The following SUPT20H variants were observed in gnomAD, a reference collection of about 807,000 sequenced individuals.
SUPT20H encodes the protein transcription factor SPT20 homolog.
SUPT20H carries 82 observed loss-of-function variants against 122.8 expected under a neutral mutation model. The ratio of observed to expected loss-of-function variants is 0.67; its 90% CI spans 0.56 to 0.80. The LOEUF is 0.80. SUPT20H is among the 30% of genes least tolerant of loss of function. SUPT20H has a pLI of 0.00. For missense variants in SUPT20H, 831 were observed against 921.6 expected (o/e 0.90, Z 1.27); for synonymous variants, 291 against 313.0 (o/e 0.93, Z 0.74).
intron 5 of SUPT20H, 137 bp downstream of exon 5, chr13:37,047,398 T>C: frequency 1.0e-6 from 1 of 976,520 alleles, no homozygotes; most frequent in South Asian, 1.9e-5. Context: ...CTGAGTCAGC[T>C]ACAGAATTGA....
intron 14 of SUPT20H, 73 bp from the exon 15 acceptor site, chr13:37,026,889 G>C: frequency 1.0e-6 from 1 of 961,218 alleles, no homozygotes; most frequent in South Asian, 2.2e-5. Context: ...ATTAAATAAA[G>C]TATTTTATGA....
intron 3 of SUPT20H, 56 bp downstream of exon 3, chr13:37,048,508 A>T: frequency 1.3e-6 from 2 of 1,486,044 alleles, no homozygotes; most frequent in African/African-American, 1.4e-5. Context: ...CTTAAAACTG[A>T]GCTTTTGTCA....
Position 37,047,612 on chromosome 13 carries a change from T to G in SUPT20H, c.99-11A>C. ...TGAAATACAGATTTTCTAAAAAAAT[T>G]TAATGAAACAAATATATAAAATGTT... On this transcript the variant is annotated splice_polypyrimidine_tract_variant and intron_variant, in intron 4 of 25. Transcript: ENST00000350612. 1 of 1,370,940 alleles carries G rather than the reference T, an allele frequency of 7.3e-7. No homozygotes were observed. The allele number at this position is 1,370,940 out of a possible 1,614,324, so 84.9% of individuals were successfully genotyped here.
chr13:37,030,827 T>C (rs532857236), intron 12 of SUPT20H, among the ~76,000 whole-genome samples: 48 of 152,348 alleles, frequency 3.2e-4, no homozygotes, highest in African/African-American at 1.1e-3. Context: ...AAAGATAATA[T>C]GGCTTACTTC....
At chr13:37,031,000 C>T (rs1238602788) in intron 12 of SUPT20H, among the ~76,000 whole-genome samples, 1 of 151,960 alleles carries the variant, frequency 6.6e-6, no homozygotes, top group Non-Finnish European at 1.5e-5. Context: ...TAAAAAACAA[C>T]AGAGGAGAAA....
chr13:37,044,123 T>C lies in SUPT20H; in HGVS notation c.351A>G (p.Ala117=), dbSNP rs1448407481. Residue 117 remains alanine (A), a synonymous_variant, in exon 7 of 26, where the codon GCA becomes GCG. Transcript: ENST00000350612. Reference sequence around the variant, plus strand: ...CAACCAAAATAGGAGGTAATTCTTCTGCATCCAAATATTCAAGCAACTCTC... The same window carrying C: ...CAACCAAAATAGGAGGTAATTCTTCCGCATCCAAATATTCAAGCAACTCTC... ...EEGELLEYLD[A]EELPPILVDL... is the part of the protein sequence containing the mutation. 6 of 1,613,230 alleles carry C rather than the reference T, an allele frequency of 3.7e-6. No individual in the cohort carries two copies. Among genetic ancestry groups the C allele is most frequent in the Admixed American group, 1.7e-5 (1 of 59,960 alleles).
At chr13:37,038,668 G>A (rs2064938571) in intron 9 of SUPT20H, 1 of 152,290 alleles carries the variant, frequency 6.6e-6, no homozygotes, top group East Asian at 1.9e-4. Context: ...GAACACTTTT[G>A]TGAGTGGACA....
Position 37,041,262 on chromosome 13 carries a change from G to A in SUPT20H, c.397-570C>T, listed in dbSNP as rs571056985. Among the ~76,000 whole-genome samples the A allele has an allele frequency of 9.7e-4, 148 of 152,334 alleles. 2 individuals are homozygous for A. In the South Asian group the frequency reaches 0.03, roughly 31 times the overall value. On this transcript the variant is annotated intron_variant, in intron 7 of 25. Coordinates refer to ENST00000350612, the MANE Select transcript of SUPT20H (RefSeq NM_001014286.3). ...AGGCTGGGTGCAGTAGCTCATGCCT[G>A]TAATCCCAGCTTTGGGAGGCCGAGG... is the stretch of plus-strand genomic sequence containing the variant.
At chr13:37,058,584 C>T (rs1594672968) in intron 1 of SUPT20H, among the ~76,000 whole-genome samples, 5 of 152,288 alleles carry the variant, frequency 3.3e-5, no homozygotes, top group Admixed American at 3.3e-4. Flanking sequence ...TCTCACAAAG[C>T]AAACATTCTG....
intron 20 of SUPT20H, 141 bp downstream of exon 20, chr13:37,021,870 G>T: frequency 1.0e-6 from 1 of 994,732 alleles, no homozygotes; most frequent in Non-Finnish European, 1.4e-6. Flanking sequence ...ACATGGTCAG[G>T]CAGCTTCTGT....
chr13:37,021,401 C>T (rs1435040720), intron 21 of SUPT20H, 47 bp downstream of exon 21: 2 of 1,522,110 alleles, frequency 1.3e-6, no homozygotes, highest in Middle Eastern at 1.9e-4. Context: ...TTTACTTTAG[C>T]ATATACTTTA....
At chr13:37,040,855 C>T (rs1253232670) in intron 7 of SUPT20H, among the ~76,000 whole-genome samples, 163 bp from the exon 8 acceptor site, 1 of 152,134 alleles carries the variant, frequency 6.6e-6, no homozygotes, top group African/African-American at 2.4e-5. Flanking sequence ...CTATGTAAAC[C>T]TTTTCAGAGG....
At chr13:37,016,546 A>G (rs2060541002) in intron 23 of SUPT20H, among the ~76,000 whole-genome samples, 1 of 152,226 alleles carries the variant, frequency 6.6e-6, no homozygotes, top group African/African-American at 2.4e-5. Flanking sequence ...TTTAGAATGA[A>G]AAAACAGTAA....
rs1018043738 is a variant in SUPT20H, at chr13:37,022,372, T to A, written c.1592-292A>T. 7.4e-7 allele frequency: 1 copy of A among 1,347,504 alleles called. No homozygotes were observed. Among genetic ancestry groups the A allele is most frequent in the Admixed American group, 3.4e-5 (1 of 29,198 alleles). 83.5% of individuals were successfully genotyped at this position (1,347,504 alleles called of 1,614,324 possible). A position where few individuals can be genotyped will look rare whatever the true frequency, so the allele number is the denominator to read the frequency against. ...GTTTGTTATAAATGGCCAGTCCTTT[T>A]AAAATAAGGTTAATGGAATCTTACT... is the stretch of plus-strand genomic sequence containing the variant. On this transcript the variant is annotated intron_variant, in intron 19 of 25. Transcript: ENST00000350612. The surrounding 1 kb of genome is among the most constrained non-coding windows in gnomAD (Gnocchi z 4.5).
At position 37,023,973 on chromosome 13, in the gene SUPT20H, C is replaced by T. The variant is rs566210818; in HGVS notation, c.1591+62G>A. On this transcript the variant is annotated intron_variant, in intron 19 of 25. Coordinates refer to ENST00000350612, the MANE Select transcript of SUPT20H (RefSeq NM_001014286.3). ...TACTTCACAGGTTGAAAAAAGCTGT[C>T]TTAAGAAACACTAATGCAAAAGCTT... The T allele has an allele frequency of 7.2e-4, 1,092 of 1,526,584 alleles. 3 individuals carry two copies. The highest frequency in any genetic ancestry group is 1.1e-3 in the Middle Eastern group (6 of 5,660). 94.6% of individuals were successfully genotyped at this position (1,526,584 alleles called of 1,614,324 possible).
intron 23 of SUPT20H, among the ~76,000 whole-genome samples, chr13:37,016,776 T>C (rs1234933700): frequency 2.6e-5 from 4 of 152,220 alleles, no homozygotes; most frequent in Admixed American, 6.5e-5. Context: ...TTCCTTCTTC[T>C]ACTGTCATTT....
At chr13:37,025,970 G>A in intron 16 of SUPT20H, 3 of 375,076 alleles carry the variant, frequency 8.0e-6, no homozygotes, top group Non-Finnish European at 1.4e-5. Context: ...TGTATCACAA[G>A]CTTACAGATA....
chr13:37,056,856 C>T (rs1033764778), intron 1 of SUPT20H: 2 of 152,104 alleles, frequency 1.3e-5, no homozygotes. Context: ...GAGCTTCAAA[C>T]TGTGGGATGC....
At chr13:37,056,207 C>T (rs1158482389) in intron 1 of SUPT20H, among the ~76,000 whole-genome samples, 2 of 152,164 alleles carry the variant, frequency 1.3e-5, no homozygotes, top group East Asian at 1.9e-4. Context: ...GTCAGTGTGG[C>T]GATTCCTCAA....
Sources: gnomAD v4.1 joint callset for allele counts (sites outside exome capture counted in the v4.1 genomes callset) on GRCh38, gnomAD v4.1.1 for gene constraint, Gnocchi (gnomAD v3.1) non-coding constraint, MANE v1.5 for transcripts, NCBI Gene and HGNC (gene_info 2026-07-23, HGNC 2026-07-21) for gene names.